TNNI3K: variants seen among roughly 807,000 people sequenced by gnomAD.
TNNI3K encodes the protein TNNI3 interacting kinase, also known as serine/threonine-protein kinase TNNI3K.
In TNNI3K, 140 loss-of-function variants were observed where a neutral mutation model predicts 114.5. The ratio of observed to expected loss-of-function variants is 1.22; its 90% CI spans 1.07 to 1.41. The LOEUF is 1.41. Among genes scored for constraint, TNNI3K ranks in the 40% most tolerant of loss-of-function variants. The pLI, the probability that TNNI3K is intolerant of heterozygous loss-of-function variation, is 0.00. For missense variants in TNNI3K, 1,125 were observed against 1,007.6 expected, an observed-to-expected ratio of 1.12 and a Z score of -1.58; for synonymous variants, 347 against 347.5, an observed-to-expected ratio of 1.00 and a Z score of 0.02.
At chr1:74,331,950 G>A (rs979773800) in intron 6 of TNNI3K, among the ~76,000 whole-genome samples, 1 of 151,980 alleles carries the variant, frequency 6.6e-6, no homozygotes, top group Non-Finnish European at 1.5e-5. Context: ...AAATTGTTTG[G>A]AAAATGCTCA....
intron 17 of TNNI3K, among the ~76,000 whole-genome samples, chr1:74,408,497 C>T (rs571280139): frequency 6.6e-6 from 1 of 152,322 alleles, no homozygotes; most frequent in South Asian, 2.1e-4. Flanking sequence ...GTGGTTCCTG[C>T]ACTCAGTTCT....
At chr1:74,360,589 A>G (rs1051112860) in intron 11 of TNNI3K, among the ~76,000 whole-genome samples, 2 of 152,038 alleles carry the variant, frequency 1.3e-5, no homozygotes, top group African/African-American at 2.4e-5. Flanking sequence ...TACATATGTC[A>G]TGTTATTTCA....
chr1:74,334,690 G>A (rs1402087056), intron 6 of TNNI3K, among the ~76,000 whole-genome samples: 1 of 152,168 alleles, frequency 6.6e-6, no homozygotes, highest in Non-Finnish European at 1.5e-5. Context: ...TAGAGTCTCA[G>A]TTAAATGGAG....
chr1:74,400,501 C>T (rs699837), intron 17 of TNNI3K, among the ~76,000 whole-genome samples: 24,944 of 152,130 alleles, frequency 0.16, 2,699 homozygotes, highest in African/African-American at 0.31. Context: ...GTTCCATTTC[C>T]CCTAGGATAG....
intron 5 of TNNI3K, among the ~76,000 whole-genome samples, chr1:74,308,555 A>G (rs1284716646): frequency 6.6e-6 from 1 of 152,180 alleles, no homozygotes; most frequent in Non-Finnish European, 1.5e-5. Context: ...CATCAAGAAG[A>G]TAGAAGGATC....
At chr1:74,345,894 T>G (rs1660974070) in intron 9 of TNNI3K, 1 of 152,222 alleles carries the variant, frequency 6.6e-6, no homozygotes, top group Non-Finnish European at 1.5e-5. Context: ...CAGTAACCAG[T>G]AGAAATCAGA....
intron 5 of TNNI3K, among the ~76,000 whole-genome samples, chr1:74,327,692 TA>T (rs1349291322): frequency 1.4e-5 from 2 of 146,532 alleles, no homozygotes; most frequent in Non-Finnish European, 3.0e-5. Flanking sequence ...TATATTTATA[TA>T]AATATATATT....
At chr1:74,476,463 T>C (rs1401940763) in intron 21 of TNNI3K, among the ~76,000 whole-genome samples, 3 of 152,178 alleles carry the variant, frequency 2.0e-5, no homozygotes, top group African/African-American at 7.2e-5. Context: ...TCGCAGACTG[T>C]CCTCCTCTGC....
chr1:74,403,327 G>A (rs1184023953), intron 17 of TNNI3K, among the ~76,000 whole-genome samples: 1 of 151,966 alleles, frequency 6.6e-6, no homozygotes, highest in Non-Finnish European at 1.5e-5. Context: ...AAAATCTCAC[G>A]GTACATCCTC....
intron 12 of TNNI3K, among the ~76,000 whole-genome samples, chr1:74,367,615 C>T (rs2100515710): frequency 6.6e-6 from 1 of 151,962 alleles, no homozygotes; most frequent in South Asian, 2.1e-4. Flanking sequence ...ACTAGGAAGG[C>T]CTGGATAAGC....
chr1:74,425,085 G>A (rs1468582234), intron 17 of TNNI3K, among the ~76,000 whole-genome samples: 3 of 152,078 alleles, frequency 2.0e-5, no homozygotes, highest in African/African-American at 7.2e-5. Flanking sequence ...ATAAGGACGA[G>A]GAAAATGTTG....
chr1:74,364,390 A>C (rs531212853), intron 11 of TNNI3K, among the ~76,000 whole-genome samples: 9 of 151,966 alleles, frequency 5.9e-5, no homozygotes, highest in Admixed American at 1.3e-4. Flanking sequence ...AATGCTCAAC[A>C]GCAGGCAGCA....
At chr1:74,394,763 G>C (rs1314126769) in intron 17 of TNNI3K, among the ~76,000 whole-genome samples, 1 of 152,208 alleles carries the variant, frequency 6.6e-6, no homozygotes, top group East Asian at 1.9e-4. Flanking sequence ...AAAACACTTA[G>C]GCCGGGCGCA....
chr1:74,323,417 G>T (rs1659730339), intron 5 of TNNI3K, among the ~76,000 whole-genome samples: 2 of 151,910 alleles, frequency 1.3e-5, no homozygotes, highest in East Asian at 3.9e-4. Context: ...AACATTAAAT[G>T]AAATAGATAT....
intron 5 of TNNI3K, among the ~76,000 whole-genome samples, chr1:74,303,135 G>A (rs1412729861): frequency 1.3e-5 from 2 of 152,126 alleles, no homozygotes; most frequent in African/African-American, 4.8e-5. Context: ...TCTATGAATG[G>A]AACAACAATG....
intron 5 of TNNI3K, among the ~76,000 whole-genome samples, chr1:74,303,264 G>A (rs1331137532): frequency 6.6e-6 from 1 of 151,894 alleles, no homozygotes; most frequent in Non-Finnish European, 1.5e-5. Context: ...CATGATCTTG[G>A]CTCACTGCAA....
intron 23 of TNNI3K, among the ~76,000 whole-genome samples, chr1:74,536,055 G>T (rs1374309488): frequency 6.6e-6 from 1 of 152,122 alleles, no homozygotes; most frequent in Non-Finnish European, 1.5e-5. Context: ...GAAAACTTCT[G>T]TTTAAATCAT....
At chr1:74,350,153 G>T (rs1177956022) in intron 9 of TNNI3K, among the ~76,000 whole-genome samples, 2 of 152,154 alleles carry the variant, frequency 1.3e-5, no homozygotes, top group Non-Finnish European at 1.5e-5. Flanking sequence ...ATGTGTCCCA[G>T]AGATTCTGGT....
intron 17 of TNNI3K, among the ~76,000 whole-genome samples, chr1:74,425,702 C>T (rs535854839): frequency 2.0e-5 from 3 of 152,104 alleles, no homozygotes; most frequent in South Asian, 4.1e-4. Flanking sequence ...AAGAAATAAT[C>T]GAGCAGCGTC....
Sources: gnomAD v4.1 joint callset for allele counts (sites outside exome capture counted in the v4.1 genomes callset) on GRCh38, gnomAD v4.1.1 for gene constraint, MANE v1.5 for transcripts, NCBI Gene and HGNC (gene_info 2026-07-23, HGNC 2026-07-21) for gene names.